Variants in BCKDK observed in about 807,000 individuals in gnomAD.
BCKDK encodes the protein branched-chain alpha-ketoacid dehydrogenase kinase.
In BCKDK, 28 loss-of-function variants were observed where a neutral mutation model predicts 43.9. That is an observed-to-expected ratio of 0.64 (90% CI 0.47 to 0.87). The LOEUF (loss-of-function observed/expected upper bound fraction) is 0.87. BCKDK is among the 40% of genes least tolerant of loss of function. BCKDK has a pLI of 0.00. For synonymous variants in BCKDK, 257 were observed against 234.3 expected, an observed-to-expected ratio of 1.10 and a Z score of -0.88; for missense variants, 483 against 581.4, an observed-to-expected ratio of 0.83 and a Z score of 1.74.
Position 31,110,200 on chromosome 16 carries a change from T to C in BCKDK, c.424-5T>C. On this transcript the variant is annotated splice_polypyrimidine_tract_variant and splice_region_variant and intron_variant, in intron 5 of 11. Coordinates refer to ENST00000219794, the MANE Select transcript of BCKDK (RefSeq NM_005881.4). The surrounding 1 kb of genome is among the most constrained non-coding windows in gnomAD (Gnocchi z 5.4). ...CACCCTTCCTCATGACTCTGTGACC[T>C]GCAGATCAAGGACCAGGCGGACGAG... 1 of 1,614,076 alleles carries C rather than the reference T, an allele frequency of 6.2e-7. No homozygotes were observed. Among genetic ancestry groups the C allele is most frequent in the Non-Finnish European group, 8.5e-7 (1 of 1,179,998 alleles).
In BCKDK at chr16:31,110,157, G is replaced by C. The variant is rs1259775397; in HGVS notation, c.423+33G>C. 4 of 1,614,222 alleles carry C rather than the reference G, an allele frequency of 2.5e-6. No individual in the cohort carries two copies. The highest frequency in any genetic ancestry group is 2.5e-6 in the Non-Finnish European group (3 of 1,180,042). ...CTGGGCCAGAGCAGGGTGAGGGGCTGAGAGGTTGGGCTTGGACCACCCTTC... is the reference window on the plus strand; with the variant it reads ...CTGGGCCAGAGCAGGGTGAGGGGCTCAGAGGTTGGGCTTGGACCACCCTTC... On this transcript the variant is annotated intron_variant, in intron 5 of 11. Transcript: ENST00000219794. The surrounding 1 kb of genome is among the most constrained non-coding windows in gnomAD (Gnocchi z 5.4).
At position 31,109,438 on chromosome 16, in the gene BCKDK, G is replaced by A. The variant is rs1279336586; in HGVS notation, c.195+20G>A. ...GAGAAGGTGCGCAAGGGGGCAGCCA[G>A]CCCAGGGTCCGGGATGTAGGCGGGA... is the stretch of plus-strand genomic sequence containing the variant. On this transcript the variant is annotated intron_variant, in intron 2 of 11. Coordinates refer to ENST00000219794, the MANE Select transcript of BCKDK (RefSeq NM_005881.4). The surrounding 1 kb of genome is among the most constrained non-coding windows in gnomAD (Gnocchi z 5.3). The A allele has an allele frequency of 6.2e-7, 1 of 1,612,358 alleles. No individual in the cohort carries two copies. The highest frequency in any genetic ancestry group is 1.7e-5 in the Admixed American group (1 of 59,924).
At position 31,109,465 on chromosome 16, in the gene BCKDK, G is replaced by A. The variant is rs2057391915; in HGVS notation, c.196-46G>A. ...CCAGGGTCCGGGATGTAGGCGGGAG[G>A]GAGAGTGTTGGGGGTTCTCTGCTCA... On this transcript the variant is annotated intron_variant, in intron 2 of 11. Transcript: ENST00000219794. The surrounding 1 kb of genome is among the most constrained non-coding windows in gnomAD (Gnocchi z 5.3). 3 of 1,613,542 alleles carry A rather than the reference G, an allele frequency of 1.9e-6. No individual in the cohort carries two copies. Among genetic ancestry groups the A allele is most frequent in the Non-Finnish European group, 2.5e-6 (3 of 1,179,834 alleles).
At chr16:31,116,373 C>T (rs961558440), downstream of BCKDK, among the ~76,000 whole-genome samples, 3 of 148,122 alleles carry the variant, frequency 2.0e-5, no homozygotes, top group South Asian at 2.2e-4. Context: ...CCACCACGCC[C>T]GGCTAAATTT....
At position 31,112,458 on chromosome 16, in the gene BCKDK, C is replaced by A; in HGVS notation, c.*193C>A. On this transcript the variant is annotated 3_prime_UTR_variant, in exon 12 of 12. Coordinates refer to ENST00000219794, the MANE Select transcript of BCKDK (RefSeq NM_005881.4). This position sits in a 1 kb window ranked among gnomAD's most constrained non-coding sequence, Gnocchi z 5.0. ...GTCCATTGCCTCCTCGCCTCCAGAA[C>A]TTGGAGCAGGGAAGTGGGCACCCTG... The A allele has an allele frequency of 1.1e-6, 1 of 935,978 alleles. No individual in the cohort carries two copies. The highest frequency in any genetic ancestry group is 1.6e-6 in the Non-Finnish European group (1 of 606,702). 58.0% of individuals were successfully genotyped at this position (935,978 alleles called of 1,614,324 possible). A position where few individuals can be genotyped will look rare whatever the true frequency, so the allele number is the denominator to read the frequency against.
Position 31,109,847 on chromosome 16 carries a change from G to A in BCKDK, c.375+64G>A. ...CCCCGGGGGCAAGTGGGGAGTCTGG[G>A]GCCCAGAGTGGCAGACGATTGCTTG... On this transcript the variant is annotated intron_variant, in intron 4 of 11. Coordinates refer to ENST00000219794, the MANE Select transcript of BCKDK (RefSeq NM_005881.4). The surrounding 1 kb of genome is among the most constrained non-coding windows in gnomAD (Gnocchi z 5.3). 1 of 1,538,104 alleles carries A rather than the reference G, an allele frequency of 6.5e-7. No individual in the cohort carries two copies. The highest frequency in any genetic ancestry group is 9.0e-7 in the Non-Finnish European group (1 of 1,113,552).
downstream of BCKDK, among the ~76,000 whole-genome samples, chr16:31,116,211 C>T (rs1213856777): frequency 6.6e-6 from 1 of 151,682 alleles, no homozygotes; most frequent in South Asian, 2.1e-4. Flanking sequence ...CCACCGCACC[C>T]GGCCTTTTTA....
downstream of BCKDK, among the ~76,000 whole-genome samples, chr16:31,116,212 G>A (rs1291423885): frequency 6.9e-6 from 1 of 143,886 alleles, no homozygotes; most frequent in East Asian, 2.1e-4. Context: ...CACCGCACCC[G>A]GCCTTTTTAT....
downstream of BCKDK, among the ~76,000 whole-genome samples, chr16:31,117,252 C>T (rs965623920): frequency 3.3e-5 from 5 of 151,582 alleles, no homozygotes; most frequent in African/African-American, 1.2e-4. Flanking sequence ...CGCCTGCAGT[C>T]CCAGCTACCC....
chr16:31,111,025 G>A (rs2057407639), intron 8 of BCKDK, 66 bp from the exon 9 acceptor site: 1 of 1,598,518 alleles, frequency 6.3e-7, no homozygotes, highest in Non-Finnish European at 8.5e-7. Context: ...TAGGGGGGCA[G>A]AATTGTTTCC....
In BCKDK at chr16:31,110,397, A is replaced by G. The variant is rs752891319; in HGVS notation, c.544-4A>G. The G allele has an allele frequency of 6.0e-5, 97 of 1,613,860 alleles. No homozygotes were observed. The highest frequency in any genetic ancestry group is 7.8e-5 in the Non-Finnish European group (92 of 1,180,022). Reference sequence around the variant, plus strand: ...ACGGGATTCTGAGACCTCACTCTTTACAGGATGAAAAGCTCGTCCGCTACT... The same window carrying G: ...ACGGGATTCTGAGACCTCACTCTTTGCAGGATGAAAAGCTCGTCCGCTACT... On this transcript the variant is annotated splice_polypyrimidine_tract_variant and splice_region_variant and intron_variant, in intron 6 of 11. Transcript: ENST00000219794. The surrounding 1 kb of genome is among the most constrained non-coding windows in gnomAD (Gnocchi z 5.4).
At position 31,109,846 on chromosome 16, in the gene BCKDK, G is replaced by A. The variant is rs970151601; in HGVS notation, c.375+63G>A. On this transcript the variant is annotated intron_variant, in intron 4 of 11. Coordinates refer to ENST00000219794, the MANE Select transcript of BCKDK (RefSeq NM_005881.4). This position sits in a 1 kb window ranked among gnomAD's most constrained non-coding sequence, Gnocchi z 5.3. ...GCCCCGGGGGCAAGTGGGGAGTCTG[G>A]GGCCCAGAGTGGCAGACGATTGCTT... 9 of 1,553,376 alleles carry A rather than the reference G, an allele frequency of 5.8e-6. No individual in the cohort carries two copies. In the Admixed American group the frequency reaches 8.5e-5, roughly 15 times the overall value.
rs1185957277 is a variant in BCKDK, at chr16:31,111,120, C to T, written c.746C>T (p.Ala249Val). The change falls in exon 9 of 12, where the codon GCG becomes GTG. Residue 249 changes from alanine (A) to valine (V), a missense_variant. By Grantham distance (64) the Ala-to-Val change is moderately conservative. Transcript: ENST00000219794. ...RRLCEHKYGN[A>V]PRVRINGHVA... is the part of the protein sequence containing the mutation. ...CTGTGTGAGCACAAGTATGGCAATG[C>T]GCCCCGTGTCCGCATCAATGGCCAT... 23 of 1,614,012 alleles carry T rather than the reference C, an allele frequency of 1.4e-5. No individual in the cohort carries two copies. Among genetic ancestry groups the T allele is most frequent in the East Asian group, 4.5e-5 (2 of 44,894 alleles).
At chr16:31,116,476 C>T (rs572713008), downstream of BCKDK, among the ~76,000 whole-genome samples, 2 of 151,346 alleles carry the variant, frequency 1.3e-5, no homozygotes, top group South Asian at 4.2e-4. Context: ...AGATTACAGG[C>T]GTGAGCCACC....
chr16:31,117,626 C>T, downstream of BCKDK: 1 of 1,322,608 alleles, frequency 7.6e-7, no homozygotes, highest in African/African-American at 1.5e-5. Flanking sequence ...GCACTGCTGA[C>T]CCGGAGCCAA....
At chr16:31,111,432 G>C (rs577834584) in intron 10 of BCKDK, 43 bp downstream of exon 10, 3 of 1,588,860 alleles carry the variant, frequency 1.9e-6, no homozygotes, top group Non-Finnish European at 1.7e-6. Flanking sequence ...ATGGGATGGG[G>C]GTCTAGGCAC....
chr16:31,109,596 CTA>C lies in BCKDK; in HGVS notation c.264+19_264+20del. ...CACCTTCTGGTAAGATTCACGCCCT[CTA>C]TTTTCCTCGTGGATCCTGGAGCTCT... On this transcript the variant is annotated intron_variant, in intron 3 of 11. Coordinates refer to ENST00000219794, the MANE Select transcript of BCKDK (RefSeq NM_005881.4). The surrounding 1 kb of genome is among the most constrained non-coding windows in gnomAD (Gnocchi z 5.3). 1.2e-6 allele frequency: 2 copies of C among 1,614,068 alleles called. No homozygotes were observed. Among genetic ancestry groups the C allele is most frequent in the Non-Finnish European group, 1.7e-6 (2 of 1,179,990 alleles).
chr16:31,112,578 CG>C lies in BCKDK; in HGVS notation c.*314del. The C allele has an allele frequency of 2.1e-6, 1 of 475,104 alleles. No individual in the cohort carries two copies. Among genetic ancestry groups the C allele is most frequent in the Middle Eastern group, 6.0e-4 (1 of 1,670 alleles). The allele number at this position is 475,104 out of a possible 1,614,324, so 29.4% of individuals were successfully genotyped here. ...ACATTTTGAATGCCCTCTCGGGCCCCGTGTGTGGGGAGGGCAGGTGAACTTT... is the reference window on the plus strand; with the variant it reads ...ACATTTTGAATGCCCTCTCGGGCCCCTGTGTGGGGAGGGCAGGTGAACTTT... On this transcript the variant is annotated 3_prime_UTR_variant, in exon 12 of 12. Coordinates refer to ENST00000219794, the MANE Select transcript of BCKDK (RefSeq NM_005881.4). The surrounding 1 kb of genome is among the most constrained non-coding windows in gnomAD (Gnocchi z 5.0).
chr16:31,116,365 A>G (rs1189954249), downstream of BCKDK, among the ~76,000 whole-genome samples: 1 of 90,624 alleles, frequency 1.1e-5, no homozygotes, highest in Non-Finnish European at 2.9e-5. Flanking sequence ...GGTGCGTGCC[A>G]CCACGCCCGG....
Sources: gnomAD v4.1 joint callset for allele counts (sites outside exome capture counted in the v4.1 genomes callset) on GRCh38, gnomAD v4.1.1 for gene constraint, Gnocchi (gnomAD v3.1) non-coding constraint, MANE v1.5 for transcripts, NCBI Gene and HGNC (gene_info 2026-07-23, HGNC 2026-07-21) for gene names.